Variants in PREX2 observed in about 807,000 individuals in gnomAD.
The protein encoded by PREX2 is phosphatidylinositol 3,4,5-trisphosphate-dependent Rac exchanger 2 protein.
Under a neutral mutation model 203.2 loss-of-function variants are expected in PREX2, and 107 were observed. That is an observed-to-expected ratio of 0.53 (90% CI 0.45 to 0.62). The LOEUF is 0.62. Ranked by LOEUF, PREX2 falls within the 20% of genes least tolerant of loss-of-function variation. PREX2 has a pLI of 0.00. For missense variants in PREX2, 1,777 were observed against 1,955.9 expected (o/e 0.91, Z 1.72); for synonymous variants, 672 against 663.6 (o/e 1.01, Z -0.19).
intron 23 of PREX2, chr8:68,105,843 G>A (rs1810396424): frequency 6.6e-6 from 1 of 151,258 alleles, no homozygotes; most frequent in South Asian, 2.1e-4. Flanking sequence ...GCACCTATTG[G>A]TGTATTTTTC....
chr8:67,972,671 C>T (rs191129368), intron 1 of PREX2, among the ~76,000 whole-genome samples: 3 of 152,274 alleles, frequency 2.0e-5, no homozygotes, highest in Admixed American at 1.3e-4. Flanking sequence ...CCTTAGGTTC[C>T]CTGATGAAAC....
chr8:68,133,275 G>T (rs1046608518), intron 31 of PREX2, among the ~76,000 whole-genome samples: 1 of 152,044 alleles, frequency 6.6e-6, no homozygotes, highest in Non-Finnish European at 1.5e-5. Context: ...ATCACTTTCC[G>T]CCCGGTCTCT....
chr8:68,088,224 A>G (rs370398774), intron 19 of PREX2, among the ~76,000 whole-genome samples: 49 of 152,286 alleles, frequency 3.2e-4, no homozygotes, highest in African/African-American at 9.4e-4. Flanking sequence ...ACTTTTATAA[A>G]CCGTGGTTAA....
intron 1 of PREX2, among the ~76,000 whole-genome samples, chr8:67,965,797 A>G (rs1805758036): frequency 6.6e-6 from 1 of 152,080 alleles, no homozygotes; most frequent in African/African-American, 2.4e-5. Context: ...AGCTAGAGAC[A>G]TTTTCCTCAG....
At chr8:68,173,731 A>G (rs1811925680) in intron 35 of PREX2, among the ~76,000 whole-genome samples, 1 of 152,268 alleles carries the variant, frequency 6.6e-6, no homozygotes, top group Non-Finnish European at 1.5e-5. Flanking sequence ...GGATGAATAG[A>G]TATTCTGGCT....
At chr8:68,107,357 A>G (rs1224226071) in intron 23 of PREX2, among the ~76,000 whole-genome samples, 2 of 152,038 alleles carry the variant, frequency 1.3e-5, no homozygotes, top group Non-Finnish European at 2.9e-5. Context: ...GAGATAGAGA[A>G]GTTAGGTGAG....
chr8:68,221,465 T>C (rs1378592343), intron 38 of PREX2, among the ~76,000 whole-genome samples: 5 of 151,596 alleles, frequency 3.3e-5, no homozygotes, highest in African/African-American at 9.8e-5. Flanking sequence ...CATAGTGTTG[T>C]TGTGAGGATT....
intron 1 of PREX2, among the ~76,000 whole-genome samples, chr8:67,985,066 A>G (rs1016378237): frequency 1.3e-5 from 2 of 152,050 alleles, no homozygotes; most frequent in Admixed American, 6.6e-5. Flanking sequence ...GCAACATGAC[A>G]TAGAAGCAGA....
intron 25 of PREX2, 80 bp downstream of exon 25, chr8:68,109,703 T>C: frequency 8.7e-7 from 1 of 1,145,126 alleles, no homozygotes; most frequent in Non-Finnish European, 1.3e-6. Context: ...TCAATCATTC[T>C]CTCTTTAGTT....
intron 35 of PREX2, among the ~76,000 whole-genome samples, chr8:68,180,218 A>T (rs1646446335): frequency 6.6e-6 from 1 of 151,928 alleles, no homozygotes; most frequent in Admixed American, 6.6e-5. Context: ...TGTCTTAAAG[A>T]CTCTTCATTC....
At position 68,233,228 on chromosome 8, in the gene PREX2, T is replaced by G. The variant is rs2129615722; in HGVS notation, c.*1850T>G. The G allele has an allele frequency of 6.6e-6, 1 of 152,316 alleles. No homozygotes were observed. The highest frequency in any genetic ancestry group is 2.4e-5 in the African/African-American group (1 of 41,562). 9.4% of individuals were successfully genotyped at this position (152,316 alleles called of 1,614,324 possible). On this transcript the variant is annotated 3_prime_UTR_variant, in exon 40 of 40. Transcript: ENST00000288368. ...TTCAAGGATTTAACATTTGTAGGAC[T>G]AATAAAGGAACACAGCTGATTAGCT...
At chr8:68,055,043 T>C (rs1808632548) in intron 9 of PREX2, among the ~76,000 whole-genome samples, 1 of 152,250 alleles carries the variant, frequency 6.6e-6, no homozygotes, top group Non-Finnish European at 1.5e-5. Flanking sequence ...TGTTTGAACT[T>C]TTGAGGTTTC....
intron 1 of PREX2, among the ~76,000 whole-genome samples, chr8:67,962,839 C>T (rs1264244484): frequency 2.0e-5 from 3 of 152,020 alleles, no homozygotes; most frequent in African/African-American, 7.2e-5. Context: ...AACTCCTGAC[C>T]TCAGGTGATC....
intron 1 of PREX2, among the ~76,000 whole-genome samples, chr8:67,974,003 T>TA (rs1806000159): frequency 6.6e-6 from 1 of 152,226 alleles, no homozygotes; most frequent in African/African-American, 2.4e-5. Flanking sequence ...AGCATATGTC[T>TA]ATTACATACT....
Position 68,097,004 on chromosome 8 carries a change from G to T in PREX2, c.2369-13G>T, listed in dbSNP as rs375662377. 363 of 1,606,830 alleles carry T rather than the reference G, an allele frequency of 2.3e-4. No homozygotes were observed. Among genetic ancestry groups the T allele is most frequent in the Non-Finnish European group, 3.0e-4 (348 of 1,174,344 alleles). On this transcript the variant is annotated splice_polypyrimidine_tract_variant and intron_variant, in intron 21 of 39. Coordinates refer to ENST00000288368, the MANE Select transcript of PREX2 (RefSeq NM_024870.4). Reference sequence around the variant, plus strand: ...TTCATGAATTTACTGAGTTACAGTTGTCTTTGTTCCAGAGGTTATTGACAA... The same window carrying T: ...TTCATGAATTTACTGAGTTACAGTTTTCTTTGTTCCAGAGGTTATTGACAA...
At chr8:68,186,960 A>G (rs1812202343) in intron 35 of PREX2, among the ~76,000 whole-genome samples, 1 of 152,166 alleles carries the variant, frequency 6.6e-6, no homozygotes, top group African/African-American at 2.4e-5. Flanking sequence ...TATCAAGTCA[A>G]TTTAAGTGAA....
At chr8:68,011,952 A>C (rs994329502) in intron 1 of PREX2, among the ~76,000 whole-genome samples, 2 of 152,154 alleles carry the variant, frequency 1.3e-5, no homozygotes, top group African/African-American at 4.8e-5. Flanking sequence ...CATCTCAATA[A>C]ATTTTGTAAC....
intron 1 of PREX2, among the ~76,000 whole-genome samples, chr8:67,968,380 G>C (rs765522811): frequency 7.9e-5 from 12 of 152,122 alleles, no homozygotes; most frequent in African/African-American, 2.2e-4. Context: ...TTCTAGAAAT[G>C]ATATTTCTTA....
chr8:67,967,006 G>C (rs183038613), intron 1 of PREX2, among the ~76,000 whole-genome samples: 38 of 152,354 alleles, frequency 2.5e-4, no homozygotes, highest in African/African-American at 8.2e-4. Flanking sequence ...AAGTGAAGCA[G>C]AGAAGAGGAA....
Sources: allele counts gnomAD v4.1 joint callset (sites outside exome capture counted in the v4.1 genomes callset), GRCh38; gene constraint gnomAD v4.1.1; transcripts MANE v1.5; gene names NCBI Gene and HGNC (gene_info 2026-07-23, HGNC 2026-07-21).